The following SYT14 variants were observed in gnomAD, a reference collection of about 807,000 sequenced individuals.
SYT14 encodes the protein synaptotagmin 14, also known as synaptotagmin-14.
A neutral mutation model predicts 74.2 loss-of-function variants in SYT14; 32 were observed. That is an observed-to-expected ratio of 0.43 (90% CI 0.33 to 0.58). The LOEUF (loss-of-function observed/expected upper bound fraction) is 0.58, where lower values mean the gene tolerates loss of function less well. Ranked by LOEUF, SYT14 falls within the 20% of genes least tolerant of loss-of-function variation. The pLI, the probability that SYT14 is intolerant of heterozygous loss-of-function variation, is 0.05. For missense variants in SYT14, 791 were observed against 981.8 expected, an observed-to-expected ratio of 0.81 and a Z score of 2.60; for synonymous variants, 298 against 337.7, an observed-to-expected ratio of 0.88 and a Z score of 1.29.
intron 7 of SYT14, among the ~76,000 whole-genome samples, chr1:210,109,977 T>A (rs2082231827): frequency 2.6e-5 from 4 of 152,138 alleles, no homozygotes; most frequent in Admixed American, 2.6e-4. Context: ...GGGACATGGA[T>A]GAAGCTGGAA....
chr1:210,068,559 G>C lies in SYT14; in HGVS notation c.1313-25763G>C, dbSNP rs139316822. ...GTTTTTTTATAGATAGATTTTTATT[G>C]ATTTAATACTTTAATGTAGGTGTCA... On this transcript the variant is annotated intron_variant, in intron 5 of 9. Transcript: ENST00000637265. Among the ~76,000 whole-genome samples the C allele has an allele frequency of 1.9e-3, 281 of 151,524 alleles. 2 individuals are homozygous for C. The highest frequency in any genetic ancestry group is 6.5e-3 in the African/African-American group (271 of 41,418).
chr1:210,057,831 A>G (rs1175095410), intron 5 of SYT14, among the ~76,000 whole-genome samples: 1 of 152,166 alleles, frequency 6.6e-6, no homozygotes, highest in East Asian at 1.9e-4. Flanking sequence ...CTACTTCCCC[A>G]TAGCCTGACA....
intron 7 of SYT14, among the ~76,000 whole-genome samples, chr1:210,121,272 A>G (rs1025532926): frequency 2.0e-5 from 3 of 152,224 alleles, no homozygotes; most frequent in South Asian, 4.1e-4. Flanking sequence ...ATGTATGAAT[A>G]AATTTAATGT....
chr1:210,156,612 T>C (rs2083272065), intron 8 of SYT14, among the ~76,000 whole-genome samples: 1 of 151,462 alleles, frequency 6.6e-6, no homozygotes, highest in South Asian at 2.1e-4. Flanking sequence ...TGGGAGGATA[T>C]TGAAATTGTC....
At chr1:209,979,242 G>T (rs1358371077) in intron 2 of SYT14, among the ~76,000 whole-genome samples, 2 of 152,310 alleles carry the variant, frequency 1.3e-5, no homozygotes, top group South Asian at 4.1e-4. Context: ...TCCCCAGTGA[G>T]ATGAGCCCGG....
At chr1:210,068,505 C>T (rs928909902) in intron 5 of SYT14, among the ~76,000 whole-genome samples, 1 of 151,596 alleles carries the variant, frequency 6.6e-6, no homozygotes, top group Non-Finnish European at 1.5e-5. Flanking sequence ...TTGGTAGAAT[C>T]AACCTATGAA....
chr1:209,938,323 C>A, intron 1 of SYT14, 46 bp downstream of exon 1: 1 of 1,532,122 alleles, frequency 6.5e-7, no homozygotes, highest in Non-Finnish European at 8.8e-7. Flanking sequence ...GACCACCCAG[C>A]TGGCGGGGGG....
chr1:210,068,584 A>C (rs2081337797), intron 5 of SYT14, among the ~76,000 whole-genome samples: 1 of 151,620 alleles, frequency 6.6e-6, no homozygotes, highest in South Asian at 2.1e-4. Flanking sequence ...TGTAGGTGTC[A>C]TTGGATTCTC....
chr1:210,107,251 G>A (rs779663607), intron 7 of SYT14, among the ~76,000 whole-genome samples: 2 of 152,250 alleles, frequency 1.3e-5, no homozygotes, highest in Non-Finnish European at 2.9e-5. Flanking sequence ...ATTGAAGGCT[G>A]TCTTCCAACA....
chr1:209,981,450 C>CTTTTTTTTTTTTTT (rs1183885685), intron 2 of SYT14, among the ~76,000 whole-genome samples: 7 of 99,048 alleles, frequency 7.1e-5, no homozygotes, highest in Admixed American at 1.3e-4. Context: ...TTTTTCTTTT[C>CTTTTTTTTTTTTTT]TTTTTTTTTT....
exon 10 of SYT14, chr1:210,171,178 T>C (rs2083521977): frequency 6.6e-6 from 1 of 152,204 alleles, no homozygotes; most frequent in South Asian, 2.1e-4. Flanking sequence ...TTTTCATATT[T>C]CATTACCTTG....
chr1:210,150,560 C>G (rs1558224224), intron 7 of SYT14, among the ~76,000 whole-genome samples: 1 of 152,182 alleles, frequency 6.6e-6, no homozygotes, highest in Non-Finnish European at 1.5e-5. Context: ...TGAAGCTCAT[C>G]ATTAGCGGCA....
exon 10 of SYT14, chr1:210,168,875 A>G (rs1420301339): frequency 6.6e-6 from 1 of 152,170 alleles, no homozygotes; most frequent in Admixed American, 6.5e-5. Flanking sequence ...CATAAGCACC[A>G]ATAGGAGAAA....
At chr1:210,161,716 CT>C in exon 10 of SYT14, 2 of 453,868 alleles carry the variant, frequency 4.4e-6, no homozygotes, top group Non-Finnish European at 8.8e-6. Flanking sequence ...TTTGCCTCCG[CT>C]TTCGCCTGAT....
exon 4 of SYT14, chr1:210,015,977 C>T (rs1030884636): frequency 2.8e-5 from 35 of 1,231,768 alleles, no homozygotes; most frequent in Middle Eastern, 6.2e-4. Flanking sequence ...TCCATTATTG[C>T]ACCTTTTAGG....
intron 7 of SYT14, among the ~76,000 whole-genome samples, chr1:210,149,180 A>ATTTTTTTTTTTTTT (rs34134939): frequency 9.2e-6 from 1 of 108,510 alleles, no homozygotes; most frequent in African/African-American, 3.9e-5. Context: ...TATAGCAGGA[A>ATTTTTTTTTTTTTT]TTTTTTTTTT....
intron 5 of SYT14, among the ~76,000 whole-genome samples, chr1:210,074,520 T>C (rs1020950117): frequency 6.6e-6 from 1 of 152,202 alleles, no homozygotes; most frequent in African/African-American, 2.4e-5. Context: ...ATTTACATTG[T>C]TTATTAATAA....
chr1:210,114,226 G>T lies in SYT14; in HGVS notation c.2034+13765G>T, dbSNP rs770072014. 2.6e-5 allele frequency among the ~76,000 whole-genome samples: 4 copies of T among 151,464 alleles called. No individual in the cohort carries two copies. The East Asian group carries it at 7.7e-4, about 29-fold the overall frequency. ...TGGGACATGGTTTAGGAGGAATCCC[G>T]GGCTGCAGGCATTCCTTGGCCCAGT... On this transcript the variant is annotated intron_variant, in intron 7 of 9. Transcript: ENST00000637265.
chr1:210,121,365 G>A (rs1572338426), intron 7 of SYT14, among the ~76,000 whole-genome samples: 2 of 152,114 alleles, frequency 1.3e-5, no homozygotes, highest in African/African-American at 4.8e-5. Context: ...TTCAAAATCA[G>A]AAGGGACATA....
Sources: gnomAD v4.1 joint callset for allele counts (sites outside exome capture counted in the v4.1 genomes callset) on GRCh38, gnomAD v4.1.1 for gene constraint, MANE v1.5 for transcripts, NCBI Gene and HGNC (gene_info 2026-07-23, HGNC 2026-07-21) for gene names.